Variants in ZNF804A observed in about 807,000 individuals in gnomAD.
ZNF804A encodes the protein zinc finger protein 804A.
A neutral mutation model predicts 16.5 loss-of-function variants in ZNF804A; 2 were observed. That is an observed-to-expected ratio of 0.12 (90% confidence interval 0.05 to 0.38). ZNF804A has a LOEUF of 0.38. ZNF804A is among the 10% of genes least tolerant of loss of function. The pLI is 0.99. For synonymous variants in ZNF804A, 534 were observed against 489.6 expected (o/e 1.09, Z -1.20); for missense variants, 1,473 against 1,390.7 (o/e 1.06, Z -0.94).
At position 184,636,206 on chromosome 2, in the gene ZNF804A, A is replaced by G. The variant is rs144189453; in HGVS notation, c.111+37136A>G. Among the ~76,000 whole-genome samples the G allele has an allele frequency of 1.9e-3, 293 of 152,016 alleles. 1 individual carries two copies. Among genetic ancestry groups the G allele is most frequent in the Middle Eastern group, 0.014 (4 of 290 alleles). On this transcript the variant is annotated intron_variant, in intron 1 of 3. Transcript: ENST00000302277. ...TGAAAAATTATGCCTTTAATCAAAT[A>G]TTCAGTGACTCAATGGCTTTTTTTT...
At chr2:184,926,376 T>A (rs1322865049) in intron 2 of ZNF804A, among the ~76,000 whole-genome samples, 1 of 152,092 alleles carries the variant, frequency 6.6e-6, no homozygotes, top group Non-Finnish European at 1.5e-5. Context: ...ACTGGACATG[T>A]TGGACCTCCA....
At chr2:184,704,791 A>C (rs75524004) in intron 1 of ZNF804A, among the ~76,000 whole-genome samples, 2,402 of 152,282 alleles carry the variant, frequency 0.016, 27 homozygotes, top group Admixed American at 0.032. Flanking sequence ...GGGACAATGC[A>C]TTGACACTGG....
At chr2:184,912,739 T>C (rs1319403542) in intron 2 of ZNF804A, among the ~76,000 whole-genome samples, 1 of 152,098 alleles carries the variant, frequency 6.6e-6, no homozygotes, top group Non-Finnish European at 1.5e-5. Flanking sequence ...TTACTTACCA[T>C]TTGTAAATTT....
At chr2:184,777,048 A>T (rs1658058753) in intron 1 of ZNF804A, among the ~76,000 whole-genome samples, 1 of 151,566 alleles carries the variant, frequency 6.6e-6, no homozygotes. Context: ...AACTTCTTGA[A>T]TCTAATGATT....
intron 1 of ZNF804A, among the ~76,000 whole-genome samples, chr2:184,806,291 G>A (rs189213800): frequency 5.3e-5 from 8 of 151,702 alleles, no homozygotes; most frequent in Non-Finnish European, 1.2e-4. Context: ...TTTTTCCCTC[G>A]TGTCTTTATT....
rs138320431 is a variant in ZNF804A, at chr2:184,641,014, G to A, written c.111+41944G>A. 9.6e-3 allele frequency among the ~76,000 whole-genome samples: 1,461 copies of A among 152,220 alleles called. 13 individuals carry two copies. The highest frequency in any genetic ancestry group is 0.017 in the Non-Finnish European group (1,140 of 68,014). On this transcript the variant is annotated intron_variant, in intron 1 of 3. Coordinates refer to ENST00000302277, the MANE Select transcript of ZNF804A (RefSeq NM_194250.2). ...CTGTCGCTCAGGCTGGAGTGCGGTG[G>A]CACAATCTTGGCTCACTGCAACCTC...
chr2:184,932,518 G>A lies in ZNF804A; in HGVS notation c.256-1085G>A, dbSNP rs559012165. ...CACAATAAAAGTATGGGAAAGACCC[G>A]CCCCCATGATTCAATTACCTCCCAC... is the stretch of plus-strand genomic sequence containing the variant. On this transcript the variant is annotated intron_variant, in intron 2 of 3. Coordinates refer to ENST00000302277, the MANE Select transcript of ZNF804A (RefSeq NM_194250.2). 3.3e-5 allele frequency among the ~76,000 whole-genome samples: 5 copies of A among 152,084 alleles called. No homozygotes were observed. The South Asian group carries it at 6.2e-4, about 19-fold the overall frequency.
At chr2:184,737,862 G>T (rs1369834911) in intron 1 of ZNF804A, among the ~76,000 whole-genome samples, 1 of 152,138 alleles carries the variant, frequency 6.6e-6, no homozygotes, top group South Asian at 2.1e-4. Flanking sequence ...AGTGGCTTAC[G>T]CTTATAATCC....
intron 1 of ZNF804A, among the ~76,000 whole-genome samples, chr2:184,690,012 A>G (rs1692704339): frequency 6.6e-6 from 1 of 152,014 alleles, no homozygotes. Context: ...ATTTGTATAC[A>G]TCAATTTCAA....
chr2:184,883,833 A>G (rs1684846652), intron 2 of ZNF804A, among the ~76,000 whole-genome samples: 1 of 152,182 alleles, frequency 6.6e-6, no homozygotes, highest in Non-Finnish European at 1.5e-5. Flanking sequence ...TCAAAAACCC[A>G]CAGTGAACAT....
At chr2:184,791,114 T>C (rs1694532910) in intron 1 of ZNF804A, among the ~76,000 whole-genome samples, 1 of 151,958 alleles carries the variant, frequency 6.6e-6, no homozygotes, top group Non-Finnish European at 1.5e-5. Flanking sequence ...TTGTCTTTTA[T>C]TTTTTTTATC....
chr2:184,888,122 A>C (rs1379570035), intron 2 of ZNF804A, among the ~76,000 whole-genome samples: 2 of 152,180 alleles, frequency 1.3e-5, no homozygotes, highest in Non-Finnish European at 2.9e-5. Flanking sequence ...CTGAACCTAA[A>C]ATAAAAATTT....
chr2:184,750,262 A>G (rs1350840740), intron 1 of ZNF804A, among the ~76,000 whole-genome samples: 1 of 151,430 alleles, frequency 6.6e-6, no homozygotes, highest in African/African-American at 2.4e-5. Context: ...ACAGCATAGC[A>G]TAACCAAGTT....
At chr2:184,745,082 AT>A (rs1195368935) in intron 1 of ZNF804A, among the ~76,000 whole-genome samples, 2 of 151,844 alleles carry the variant, frequency 1.3e-5, no homozygotes, top group African/African-American at 4.8e-5. Context: ...ATTATACTTT[AT>A]ATTACTTACC....
Position 184,607,936 on chromosome 2 carries a change from C to CTTTTTTT in ZNF804A, c.111+8887_111+8893dup, listed in dbSNP as rs34262998. The stretch of plus-strand genomic sequence containing the variant: ...CACCATGGAGAACCTTGATGCATCT[C>CTTTTTTT]TTTTTTTTTTTTTTTTTTTTTTTTT... On this transcript the variant is annotated intron_variant, in intron 1 of 3. Transcript: ENST00000302277. 1.6e-3 allele frequency among the ~76,000 whole-genome samples: 103 copies of CTTTTTTT among 65,652 alleles called. 26 individuals are homozygous for CTTTTTTT. Among genetic ancestry groups the CTTTTTTT allele is most frequent in the Middle Eastern group, 0.062 (2 of 32 alleles). The allele number at this position is 65,652 out of a possible 152,430, so 43.1% of individuals were successfully genotyped here. A position where few individuals can be genotyped will look rare whatever the true frequency, so the allele number is the denominator to read the frequency against.
intron 1 of ZNF804A, among the ~76,000 whole-genome samples, chr2:184,798,078 C>T (rs1275408935): frequency 6.7e-6 from 1 of 149,904 alleles, no homozygotes; most frequent in Non-Finnish European, 1.5e-5. Flanking sequence ...AATCCCTTCT[C>T]CCTTGTAGGG....
At chr2:184,865,131 G>A (rs1411617855) in intron 1 of ZNF804A, among the ~76,000 whole-genome samples, 1 of 151,870 alleles carries the variant, frequency 6.6e-6, no homozygotes, top group African/African-American at 2.4e-5. Flanking sequence ...CCACATGCCT[G>A]GGCCTTCCAA....
intron 1 of ZNF804A, among the ~76,000 whole-genome samples, chr2:184,622,961 C>T (rs574406906): frequency 6.6e-6 from 1 of 152,004 alleles, no homozygotes; most frequent in African/African-American, 2.4e-5. Flanking sequence ...CTTGTATCAA[C>T]ATCAGTACTA....
At chr2:184,630,424 A>G (rs966395489) in intron 1 of ZNF804A, among the ~76,000 whole-genome samples, 1 of 152,120 alleles carries the variant, frequency 6.6e-6, no homozygotes, top group Admixed American at 6.5e-5. Flanking sequence ...ATTTTTTACA[A>G]GAACACCTCA....
Sources: gnomAD v4.1 joint callset for allele counts (sites outside exome capture counted in the v4.1 genomes callset) on GRCh38, gnomAD v4.1.1 for gene constraint, MANE v1.5 for transcripts, NCBI Gene and HGNC (gene_info 2026-07-23, HGNC 2026-07-21) for gene names.